Variants in POM121 observed in about 807,000 individuals in gnomAD.
POM121 encodes the protein POM121 transmembrane nucleoporin, also known as nuclear envelope pore membrane protein POM 121.
Under a neutral mutation model 81.3 loss-of-function variants are expected in POM121, and 32 were observed. The observed-to-expected ratio is 0.39, with a 90% CI of 0.30 to 0.53. The LOEUF (loss-of-function observed/expected upper bound fraction) is 0.53. Ranked by LOEUF, POM121 falls within the 20% of genes least tolerant of loss-of-function variation. POM121 has a pLI of 0.66. For synonymous variants in POM121, 514 were observed against 694.2 expected (o/e 0.74, Z 4.08); for missense variants, 1,138 against 1,614.6 (o/e 0.70, Z 5.06).
At chr7:72,926,681 G>A (rs1241095028) in intron 2 of POM121, 121 bp from the exon 3 acceptor site, 9 of 1,498,136 alleles carry the variant, frequency 6.0e-6, no homozygotes, top group East Asian at 4.5e-5. Flanking sequence ...GGGAACTGCT[G>A]TGAGTGTATA....
At chr7:72,893,890 T>C (rs1554491270) in intron 3 of POM121, among the ~76,000 whole-genome samples, 1 of 152,148 alleles carries the variant, frequency 6.6e-6, no homozygotes, top group Non-Finnish European at 1.5e-5. Flanking sequence ...TGGTTTCTGC[T>C]CAACTCGGCG....
At chr7:72,926,692 A>C (rs1311416459) in intron 2 of POM121, 110 bp from the exon 3 acceptor site, 5 of 1,511,824 alleles carry the variant, frequency 3.3e-6, no homozygotes, top group Non-Finnish European at 3.6e-6. Flanking sequence ...TGAGTGTATA[A>C]ATTATACTTT....
rs568144297 is a variant in POM121, at chr7:72,944,746, G to A, written c.3530-840G>A. Among the ~76,000 whole-genome samples, 338 of 151,766 alleles carry A rather than the reference G, an allele frequency of 2.2e-3. 1 individual carries two copies. The highest frequency in any genetic ancestry group is 7.9e-3 in the African/African-American group (327 of 41,318). ...GGTGCCTACAGGAGATTCGGGAGCC[G>A]GAGCAGTTGTGGTGACAGTGTGGCT... On this transcript the variant is annotated intron_variant, in intron 11 of 12. Transcript: ENST00000434423.
chr7:72,930,034 G>T lies in POM121; in HGVS notation c.1198G>T (p.Ala400Ser). The change falls in exon 5 of 13, where the codon GCT becomes TCT. Residue 400 changes from alanine (A) to serine (S), a missense_variant. Physicochemically the swap from Ala to Ser is moderately conservative, Grantham distance 99. Transcript: ENST00000434423. ...RSSSMSSLTGAYASGIPSSSR... is the reference protein window; with the variant it reads ...RSSSMSSLTGSYASGIPSSSR... ...CTCTTCCATGAGCTCCTTGACAGGC[G>T]CTTACGCAAGTGGCATCCCTAGCTC... 6.2e-7 allele frequency: 1 copy of T among 1,613,960 alleles called. No homozygotes were observed. Among genetic ancestry groups the T allele is most frequent in the Non-Finnish European group, 8.5e-7 (1 of 1,179,842 alleles).
intron 3 of POM121, among the ~76,000 whole-genome samples, chr7:72,900,844 T>C (rs1792543824): frequency 6.6e-6 from 1 of 152,078 alleles, no homozygotes. Flanking sequence ...CTGTTTGTTT[T>C]GTGGTTATTT....
At chr7:72,883,222 A>C (rs1406088945) in intron 1 of POM121, among the ~76,000 whole-genome samples, 9 of 152,078 alleles carry the variant, frequency 5.9e-5, no homozygotes, top group African/African-American at 2.2e-4. Context: ...TTTGTATTTT[A>C]GTAGAGACTG....
intron 4 of POM121, among the ~76,000 whole-genome samples, chr7:72,914,719 G>T (rs1236776435): frequency 9.2e-5 from 14 of 152,176 alleles, no homozygotes; most frequent in African/African-American, 2.9e-4. Context: ...GTTGCACAAA[G>T]CAGGTGGTGG....
chr7:72,882,796 A>C (rs1174430475), intron 1 of POM121, among the ~76,000 whole-genome samples: 4 of 152,148 alleles, frequency 2.6e-5, no homozygotes, highest in South Asian at 2.1e-4. Flanking sequence ...TTCACTTCTC[A>C]GTGTTTTCGT....
chr7:72,934,617 T>G (rs1289119075), intron 5 of POM121, among the ~76,000 whole-genome samples: 1 of 152,174 alleles, frequency 6.6e-6, no homozygotes, highest in Non-Finnish European at 1.5e-5. Context: ...ATTATTACTT[T>G]TATATGTAAA....
At chr7:72,945,282 C>T (rs1420671083) in intron 11 of POM121, among the ~76,000 whole-genome samples, 4 of 152,068 alleles carry the variant, frequency 2.6e-5, no homozygotes, top group Non-Finnish European at 5.9e-5. Flanking sequence ...CGCTAGGAGG[C>T]GGGGGCCCCA....
At chr7:72,893,244 C>T (rs1479780118) in intron 3 of POM121, among the ~76,000 whole-genome samples, 2 of 151,970 alleles carry the variant, frequency 1.3e-5, no homozygotes, top group Non-Finnish European at 2.9e-5. Context: ...CAGGCGTGAG[C>T]CACTGCACCC....
At chr7:72,885,040 T>G (rs1421729596) in intron 1 of POM121, among the ~76,000 whole-genome samples, 4 of 152,248 alleles carry the variant, frequency 2.6e-5, no homozygotes, top group Non-Finnish European at 5.9e-5. Flanking sequence ...CCTTTAGTTT[T>G]CATGCTTTTT....
chr7:72,925,388 G>A lies in POM121; in HGVS notation c.267G>A (p.Arg89=). ...LSSFVRKARH[R]RPLSSFVRKA... is the part of the protein sequence containing the mutation. ...CCTTCGTTCGGAAGGCGCGTCATCG[G>A]CGCCCCTTGTCCTCCTTCGTTCGGA... The change falls in exon 1 of 13, where the codon CGG becomes CGA. Residue 89 remains arginine, a synonymous_variant. Coordinates refer to ENST00000434423, the MANE Select transcript of POM121 (RefSeq NM_001387691.1). The A allele has an allele frequency of 6.5e-7, 1 of 1,533,758 alleles. No homozygotes were observed. The highest frequency in any genetic ancestry group is 8.7e-7 in the Non-Finnish European group (1 of 1,146,454).
Position 72,925,511 on chromosome 7 carries a change from C to G in POM121, c.390C>G (p.Asp130Glu). The change falls in exon 1 of 13, where the codon GAC (aspartate) becomes GAG (glutamate). Residue 130 changes from aspartate to glutamate, a missense_variant. Asp to Glu is a conservative substitution (Grantham distance 45). This residue lies in a region of POM121 where 646 missense variants were observed against 633.5 expected (regional missense o/e 1.02). Transcript: ENST00000434423. ...CGCGGACCCTGCTCGAAGGACCTGA[C>G]CCTGCGGAACTGCTACTCATGGGCA... ...LEPRTLLEGPDPAELLLMGSY... is the reference protein window; with the variant it reads ...LEPRTLLEGPEPAELLLMGSY... 1 of 1,533,590 alleles carries G rather than the reference C, an allele frequency of 6.5e-7. No homozygotes were observed. 95.0% of individuals were successfully genotyped at this position (1,533,590 alleles called of 1,614,324 possible). A position where few individuals can be genotyped will look rare whatever the true frequency, so the allele number is the denominator to read the frequency against.
intron 2 of POM121, 84 bp downstream of exon 2, chr7:72,926,561 G>A (rs1211078051): frequency 1.3e-6 from 2 of 1,585,260 alleles, no homozygotes; most frequent in Non-Finnish European, 1.7e-6. Context: ...TGACTACAAC[G>A]CAGAAAAGAA....
chr7:72,949,610 A>C (rs401112), downstream of POM121: 6 of 669,750 alleles, frequency 9.0e-6, no homozygotes, highest in East Asian at 5.4e-5. Flanking sequence ...ATATTGAAAC[A>C]GCCTATATTT....
At chr7:72,948,975 G>A (rs782655887), downstream of POM121, 12 of 1,610,634 alleles carry the variant, frequency 7.5e-6, no homozygotes, top group East Asian at 4.5e-5. Context: ...TGGAGTAGAC[G>A]AGCCGCTGCA....
upstream of POM121, among the ~76,000 whole-genome samples, chr7:72,922,938 C>G (rs1291250032): frequency 6.6e-6 from 1 of 152,030 alleles, no homozygotes; most frequent in African/African-American, 2.4e-5. Context: ...CCCTACTGAC[C>G]TAGACACTAT....
At position 72,926,479 on chromosome 7, in the gene POM121, T is replaced by G. The variant is rs1407890068; in HGVS notation, c.860+2T>G. 1 of 1,613,876 alleles carries G rather than the reference T, an allele frequency of 6.2e-7. No individual in the cohort carries two copies. The highest frequency in any genetic ancestry group is 8.5e-7 in the Non-Finnish European group (1 of 1,179,876). On this transcript the variant is annotated splice_donor_variant, in intron 2 of 12. Transcript: ENST00000434423. LOFTEE classifies it high-confidence loss of function. ...CAGAAGATTTTCGCGTTCTGCGATG[T>G]GAGTATTATCGTTGGAAGAATACTC...
Sources: allele counts gnomAD v4.1 joint callset (sites outside exome capture counted in the v4.1 genomes callset), GRCh38; gene constraint gnomAD v4.1.1; regional missense constraint gnomAD v4.1.1; transcripts MANE v1.5; gene names NCBI Gene and HGNC (gene_info 2026-07-23, HGNC 2026-07-21).